TENM4: variants seen among roughly 807,000 people sequenced by gnomAD.
TENM4 encodes the protein teneurin-4.
A neutral mutation model predicts 243.3 loss-of-function variants in TENM4; 82 were observed. The observed-to-expected ratio is 0.34, with a 90% CI of 0.28 to 0.40. The LOEUF is 0.40. Ranked by LOEUF, TENM4 falls within the 10% of genes least tolerant of loss-of-function variation. The pLI is 1.00. For missense variants in TENM4, 3,138 were observed against 3,673.3 expected, an observed-to-expected ratio of 0.85 and a Z score of 3.77; for synonymous variants, 1,412 against 1,456.3, an observed-to-expected ratio of 0.97 and a Z score of 0.69.
chr11:79,148,691 G>T lies in TENM4; in HGVS notation c.-66+19C>A. ...TTAAATCATGAATACTCTCTGAAGT[G>T]TAAAAAAAATCAACTCACTTTTCTT... On this transcript the variant is annotated intron_variant, in intron 4 of 33. Transcript: ENST00000278550. 3 of 851,798 alleles carry T rather than the reference G, an allele frequency of 3.5e-6. No homozygotes were observed. The highest frequency in any genetic ancestry group is 4.2e-6 in the Non-Finnish European group (3 of 708,256). 52.8% of individuals were successfully genotyped at this position (851,798 alleles called of 1,614,324 possible).
intron 6 of TENM4, among the ~76,000 whole-genome samples, chr11:79,046,250 G>T (rs894957890): frequency 3.9e-5 from 6 of 152,300 alleles, no homozygotes; most frequent in African/African-American, 1.4e-4. Flanking sequence ...TTGCAGCCAG[G>T]CCTCAGGGGC....
chr11:79,000,468 G>A (rs1032885501), intron 6 of TENM4, among the ~76,000 whole-genome samples: 3 of 151,930 alleles, frequency 2.0e-5, no homozygotes, highest in African/African-American at 7.3e-5. Flanking sequence ...ATATATATGT[G>A]TGACAAAAAA....
At chr11:79,371,915 T>A (rs1857795857) in intron 1 of TENM4, among the ~76,000 whole-genome samples, 1 of 152,124 alleles carries the variant, frequency 6.6e-6, no homozygotes, top group African/African-American at 2.4e-5. Context: ...CAAACACCAT[T>A]TACAAAGTGA....
chr11:78,731,312 C>CT (rs1855662414), intron 21 of TENM4, among the ~76,000 whole-genome samples: 1 of 152,176 alleles, frequency 6.6e-6, no homozygotes, highest in African/African-American at 2.4e-5. Flanking sequence ...GAGACAGGCG[C>CT]TGAATCTCTG....
At chr11:78,973,302 G>A (rs1256165736) in intron 6 of TENM4, among the ~76,000 whole-genome samples, 1 of 152,218 alleles carries the variant, frequency 6.6e-6, no homozygotes, top group Admixed American at 6.5e-5. Context: ...GGCAGTGTAT[G>A]AGGGTGCCAA....
At chr11:79,391,842 G>T (rs749801773) in intron 1 of TENM4, among the ~76,000 whole-genome samples, 2 of 152,134 alleles carry the variant, frequency 1.3e-5, no homozygotes, top group Admixed American at 6.5e-5. Context: ...TTCAATGATG[G>T]ACTGTGGACA....
intron 18 of TENM4, among the ~76,000 whole-genome samples, chr11:78,765,123 A>C (rs1366366506): frequency 6.6e-6 from 1 of 152,192 alleles, no homozygotes. Context: ...TCTTGTCTGC[A>C]GTCTGGCCAC....
Position 79,153,343 on chromosome 11 carries a change from A to G in TENM4, c.-162-4537T>C, listed in dbSNP as rs1862545421. Among the ~76,000 whole-genome samples, 8 of 152,198 alleles carry G rather than the reference A, an allele frequency of 5.3e-5. No individual in the cohort carries two copies. The South Asian group carries it at 1.4e-3, about 28-fold the overall frequency. On this transcript the variant is annotated intron_variant, in intron 3 of 33. Coordinates refer to ENST00000278550, the MANE Select transcript of TENM4 (RefSeq NM_001098816.3). Reference sequence around the variant, plus strand: ...ATGTCCAAAGCAGATCATTCTGATGAGGACTTTTTCTGACCAAAGCACTGT... The same window carrying G: ...ATGTCCAAAGCAGATCATTCTGATGGGGACTTTTTCTGACCAAAGCACTGT...
intron 6 of TENM4, among the ~76,000 whole-genome samples, chr11:78,929,972 G>A (rs1489897565): frequency 6.6e-6 from 1 of 152,160 alleles, no homozygotes; most frequent in Non-Finnish European, 1.5e-5. Context: ...AAACTGGTTG[G>A]GGCAGCTCTG....
At chr11:78,925,263 A>C (rs603553) in intron 6 of TENM4, among the ~76,000 whole-genome samples, 1 of 151,796 alleles carries the variant, frequency 6.6e-6, no homozygotes, top group East Asian at 1.9e-4. Flanking sequence ...TGGTGATGGG[A>C]AATGCACAAA....
At chr11:79,381,373 A>G (rs1276884344) in intron 1 of TENM4, among the ~76,000 whole-genome samples, 1 of 150,948 alleles carries the variant, frequency 6.6e-6, no homozygotes, top group African/African-American at 2.4e-5. Flanking sequence ...CAGTGTGCAC[A>G]GCTTTCTAAA....
At chr11:79,181,805 C>A (rs1286049041) in intron 3 of TENM4, among the ~76,000 whole-genome samples, 1 of 151,870 alleles carries the variant, frequency 6.6e-6, no homozygotes, top group African/African-American at 2.4e-5. Flanking sequence ...TATGCATCAG[C>A]AATGAACAAG....
intron 1 of TENM4, among the ~76,000 whole-genome samples, chr11:79,394,123 T>C (rs1008663745): frequency 6.6e-6 from 1 of 152,174 alleles, no homozygotes; most frequent in African/African-American, 2.4e-5. Context: ...TAAACCCTAG[T>C]TCTCTCAAAA....
chr11:79,207,120 G>A (rs1863864334), intron 3 of TENM4, among the ~76,000 whole-genome samples: 1 of 152,152 alleles, frequency 6.6e-6, no homozygotes, highest in African/African-American at 2.4e-5. Flanking sequence ...AAGGCAATGA[G>A]CCTGTGGGGT....
intron 15 of TENM4, among the ~76,000 whole-genome samples, chr11:78,792,604 G>A (rs183119884): frequency 6.6e-6 from 1 of 152,294 alleles, no homozygotes; most frequent in African/African-American, 2.4e-5. Context: ...GAAGATCAAT[G>A]TGGTCCCCTG....
At chr11:79,397,165 G>C (rs574128302) in intron 1 of TENM4, among the ~76,000 whole-genome samples, 2 of 152,318 alleles carry the variant, frequency 1.3e-5, no homozygotes, top group East Asian at 3.9e-4. Context: ...GAAGGAAAAG[G>C]CCATTCCAGC....
intron 1 of TENM4, among the ~76,000 whole-genome samples, chr11:79,345,111 C>T (rs922354263): frequency 1.4e-4 from 21 of 152,214 alleles, no homozygotes; most frequent in African/African-American, 4.6e-4. Context: ...AGATACTCAG[C>T]GGATGCTGGT....
chr11:79,102,946 G>A (rs1861272341), intron 4 of TENM4, among the ~76,000 whole-genome samples: 1 of 152,068 alleles, frequency 6.6e-6, no homozygotes, highest in Non-Finnish European at 1.5e-5. Context: ...TAGTTCTAAA[G>A]CCAAAACATA....
At chr11:79,239,927 G>A (rs1864556070) in intron 2 of TENM4, among the ~76,000 whole-genome samples, 1 of 152,144 alleles carries the variant, frequency 6.6e-6, no homozygotes, top group Non-Finnish European at 1.5e-5. Context: ...CCTTCAAAAG[G>A]TAAGAACAAC....
Sources: gnomAD v4.1 joint callset for allele counts (sites outside exome capture counted in the v4.1 genomes callset) on GRCh38, gnomAD v4.1.1 for gene constraint, MANE v1.5 for transcripts, NCBI Gene and HGNC (gene_info 2026-07-23, HGNC 2026-07-21) for gene names.